Variants in SFT2D2 observed in about 807,000 individuals in gnomAD.
SFT2D2 encodes the protein vesicle transport protein SFT2B.
Under a neutral mutation model 27.4 loss-of-function variants are expected in SFT2D2, and 21 were observed. The observed-to-expected ratio is 0.77, with a 90% CI of 0.54 to 1.10. The LOEUF is 1.10. Ranked by LOEUF, SFT2D2 falls within the 50% of genes least tolerant of loss-of-function variation. SFT2D2 has a pLI of 0.00. For missense variants in SFT2D2, 187 were observed against 194.2 expected (o/e 0.96, Z 0.22); for synonymous variants, 72 against 71.7 (o/e 1.00, Z -0.02).
At position 168,245,160 on chromosome 1, in the gene SFT2D2, A is replaced by G. The variant is rs1339628429; in HGVS notation, c.*2620A>G. On this transcript the variant is annotated 3_prime_UTR_variant, in exon 8 of 8. Transcript: ENST00000271375. ...TGAAAGGCCTTTAGATTGAAAAGAAATGAGTAAAACTGTCTATTCACAGAT... is the reference window on the plus strand; with the variant it reads ...TGAAAGGCCTTTAGATTGAAAAGAAGTGAGTAAAACTGTCTATTCACAGAT... 1 of 152,216 alleles carries G rather than the reference A, an allele frequency of 6.6e-6. No homozygotes were observed. Among genetic ancestry groups the G allele is most frequent in the Non-Finnish European group, 1.5e-5 (1 of 68,042 alleles). The allele number at this position is 152,216 out of a possible 1,614,324, so 9.4% of individuals were successfully genotyped here.
At chr1:168,233,837 C>T (rs1011948486) in intron 3 of SFT2D2, among the ~76,000 whole-genome samples, 1 of 152,150 alleles carries the variant, frequency 6.6e-6, no homozygotes, top group Non-Finnish European at 1.5e-5. Context: ...TGTGTCTTTG[C>T]CTGTAGTCTG....
chr1:168,235,613 A>G (rs1337487771), intron 4 of SFT2D2, among the ~76,000 whole-genome samples: 3 of 151,898 alleles, frequency 2.0e-5, no homozygotes, highest in Non-Finnish European at 2.9e-5. Context: ...TGACTTGGGG[A>G]CTTATTACTG....
rs932477249 is a variant in SFT2D2 at position 168,241,720 on chromosome 1, A to G, written c.444-781A>G. 3.9e-5 allele frequency among the ~76,000 whole-genome samples: 6 copies of G among 152,298 alleles called. No homozygotes were observed. The South Asian group carries it at 6.2e-4, about 16-fold the overall frequency. On this transcript the variant is annotated intron_variant, in intron 7 of 7. Coordinates refer to ENST00000271375, the MANE Select transcript of SFT2D2 (RefSeq NM_199344.3). ...TGTGGCCATAAAACCCTTCTTGTGC[A>G]GAGACTCTTCTGAGACTACAGTGCA...
chr1:168,235,152 T>A lies in SFT2D2; in HGVS notation c.288T>A (p.Pro96=). 6.2e-7 allele frequency: 1 copy of A among 1,614,224 alleles called. No homozygotes were observed. Among genetic ancestry groups the A allele is most frequent in the Non-Finnish European group, 8.5e-7 (1 of 1,180,006 alleles). ...AACAGCTGAAGCGAATGTTTGAGCCTACTCGTTTGATTGCAACTATCATGG... is the reference window on the plus strand; with the variant it reads ...AACAGCTGAAGCGAATGTTTGAGCCAACTCGTTTGATTGCAACTATCATGG... ...PVKQLKRMFE[P]TRLIATIMVL... The change falls in exon 4 of 8, where the codon CCT becomes CCA. Residue 96 remains proline, a synonymous_variant. Coordinates refer to ENST00000271375, the MANE Select transcript of SFT2D2 (RefSeq NM_199344.3).
chr1:168,237,995 C>T (rs189965922), intron 6 of SFT2D2, among the ~76,000 whole-genome samples: 75 of 152,124 alleles, frequency 4.9e-4, no homozygotes, highest in African/African-American at 1.4e-3. Context: ...AATCCAGTTT[C>T]AGAGGTTCAG....
intron 1 of SFT2D2, 41 bp downstream of exon 1, chr1:168,226,183 C>T: frequency 1.3e-6 from 2 of 1,512,374 alleles, no homozygotes; most frequent in Non-Finnish European, 1.8e-6. Flanking sequence ...TCGCCGCGCT[C>T]CCGCCCTGCG....
rs1348307893 is a variant in SFT2D2, at chr1:168,243,793, C to A, written c.*1253C>A. On this transcript the variant is annotated 3_prime_UTR_variant, in exon 8 of 8. Coordinates refer to ENST00000271375, the MANE Select transcript of SFT2D2 (RefSeq NM_199344.3). The stretch of plus-strand genomic sequence containing the variant: ...TTTCTGGTTGTGCCTCCTGTAACTG[C>A]CTGTGACTGTTTCCCTCGTTTTCAT... The A allele has an allele frequency of 6.5e-6, 1 of 152,840 alleles. No homozygotes were observed. The highest frequency in any genetic ancestry group is 1.9e-4 in the East Asian group (1 of 5,216). 9.5% of individuals were successfully genotyped at this position (152,840 alleles called of 1,614,324 possible).
chr1:168,249,073 T>C lies in SFT2D2; in HGVS notation c.*6533T>C, dbSNP rs1647894928. On this transcript the variant is annotated 3_prime_UTR_variant, in exon 8 of 8. Transcript: ENST00000271375. ...TTCATTGTTTTTTTCGTGGTCTCTA[T>C]CTCCTTCAGTCCTGCTCTAATCTTA... 6.6e-6 allele frequency: 1 copy of C among 152,216 alleles called. No homozygotes were observed. The highest frequency in any genetic ancestry group is 1.5e-5 in the Non-Finnish European group (1 of 68,044). The allele number at this position is 152,216 out of a possible 1,614,324, so 9.4% of individuals were successfully genotyped here.
At chr1:168,228,305 G>C (rs1291532885) in intron 1 of SFT2D2, among the ~76,000 whole-genome samples, 2 of 152,182 alleles carry the variant, frequency 1.3e-5, no homozygotes, top group Non-Finnish European at 1.5e-5. Flanking sequence ...ATTCTGTGGG[G>C]AAATTGCTAT....
intron 7 of SFT2D2, among the ~76,000 whole-genome samples, chr1:168,241,037 A>T (rs1185158843): frequency 6.6e-6 from 1 of 152,110 alleles, no homozygotes; most frequent in African/African-American, 2.4e-5. Context: ...GCTTGGAGTC[A>T]TTTGTCAGAG....
At chr1:168,236,377 A>G (rs1647500634) in intron 4 of SFT2D2, among the ~76,000 whole-genome samples, 1 of 152,244 alleles carries the variant, frequency 6.6e-6, no homozygotes, top group Non-Finnish European at 1.5e-5. Flanking sequence ...ACTTGAAAGT[A>G]AAAGAACATC....
chr1:168,226,020 A>G lies in SFT2D2; in HGVS notation c.-60A>G, dbSNP rs965993350. On this transcript the variant is annotated 5_prime_UTR_variant, in exon 1 of 8. Transcript: ENST00000271375. ...CTGCCTAGCACCCGGAAGAGCCGTC[A>G]ACTTAGCGAGCGCAACAGGCTGCCG... is the stretch of plus-strand genomic sequence containing the variant. The G allele has an allele frequency of 7.0e-7, 1 of 1,437,942 alleles. No homozygotes were observed. The highest frequency in any genetic ancestry group is 1.5e-5 in the African/African-American group (1 of 67,644). 89.1% of individuals were successfully genotyped at this position (1,437,942 alleles called of 1,614,324 possible).
rs1647896561 is a variant in SFT2D2, at chr1:168,249,147, T to C, written c.*6607T>C. ...TTTTGAATTTGTTTGCTCTTGCTTC[T>C]CTAGGTCTTTTAATTGTGATGTTAG... On this transcript the variant is annotated 3_prime_UTR_variant, in exon 8 of 8. Coordinates refer to ENST00000271375, the MANE Select transcript of SFT2D2 (RefSeq NM_199344.3). 6.6e-6 allele frequency: 1 copy of C among 152,260 alleles called. No homozygotes were observed. Among genetic ancestry groups the C allele is most frequent in the Admixed American group, 6.5e-5 (1 of 15,288 alleles). 9.4% of individuals were successfully genotyped at this position (152,260 alleles called of 1,614,324 possible).
intron 4 of SFT2D2, among the ~76,000 whole-genome samples, chr1:168,235,923 T>C (rs1647480460): frequency 6.6e-6 from 1 of 152,246 alleles, no homozygotes; most frequent in African/African-American, 2.4e-5. Flanking sequence ...TGACCACATT[T>C]CCTGTTTATT....
chr1:168,232,227 C>T (rs1286792285), intron 3 of SFT2D2, among the ~76,000 whole-genome samples: 1 of 152,174 alleles, frequency 6.6e-6, no homozygotes. Context: ...ATTCTTACTG[C>T]TGTCAGAGAT....
chr1:168,227,299 AATGAGGATGTTAAG>A (rs1031926579), intron 1 of SFT2D2, among the ~76,000 whole-genome samples: 2 of 152,146 alleles, frequency 1.3e-5, no homozygotes, highest in Non-Finnish European at 2.9e-5. Context: ...CCATCTGTGA[AATGAGGATGTTAAG>A]ATGATATGGC....
chr1:168,237,840 T>G (rs919479790), intron 6 of SFT2D2, among the ~76,000 whole-genome samples: 8 of 112,508 alleles, frequency 7.1e-5, no homozygotes, highest in African/African-American at 1.9e-4. Context: ...TGTTTGTGTT[T>G]ATGTGTGTGT....
At chr1:168,229,924 C>T (rs1054259224) in intron 1 of SFT2D2, among the ~76,000 whole-genome samples, 17 of 152,292 alleles carry the variant, frequency 1.1e-4, no homozygotes, top group African/African-American at 2.4e-5. Context: ...TTTACCTCAG[C>T]GTAAAACCAG....
At chr1:168,232,758 C>T (rs1474685288) in intron 3 of SFT2D2, among the ~76,000 whole-genome samples, 2 of 152,194 alleles carry the variant, frequency 1.3e-5, no homozygotes, top group African/African-American at 2.4e-5. Flanking sequence ...AAGACAAGTC[C>T]AGTTTGGTCC....
Sources: allele counts gnomAD v4.1 joint callset (sites outside exome capture counted in the v4.1 genomes callset), GRCh38; gene constraint gnomAD v4.1.1; transcripts MANE v1.5; gene names NCBI Gene and HGNC (gene_info 2026-07-23, HGNC 2026-07-21).